PTPRE: variants seen among roughly 807,000 people sequenced by gnomAD.
PTPRE encodes receptor-type tyrosine-protein phosphatase epsilon.
In PTPRE, 51 loss-of-function variants were observed where a neutral mutation model predicts 102.0. That is an observed-to-expected ratio of 0.50 (90% CI 0.40 to 0.63). PTPRE has a LOEUF of 0.63. Among genes scored for constraint, PTPRE ranks in the 30% least tolerant of loss-of-function variants. The pLI is 0.00. For synonymous variants in PTPRE, 345 were observed against 348.2 expected, an observed-to-expected ratio of 0.99 and a Z score of 0.10; for missense variants, 752 against 915.1, an observed-to-expected ratio of 0.82 and a Z score of 2.30.
chr10:128,000,038 T>C, intron 2 of PTPRE: 1 of 928,544 alleles, frequency 1.1e-6, no homozygotes, highest in Non-Finnish European at 1.3e-6. Context: ...GTTTAGATTG[T>C]GAGGAAAAAA....
At position 128,056,159 on chromosome 10, in the gene PTPRE, C is replaced by T; in HGVS notation, c.457C>T (p.Leu153=). The T allele has an allele frequency of 6.2e-7, 1 of 1,612,956 alleles. No individual in the cohort carries two copies. Among genetic ancestry groups the T allele is most frequent in the Non-Finnish European group, 8.5e-7 (1 of 1,179,038 alleles). Residue 153 remains leucine, a synonymous_variant, in exon 7 of 21, where the codon CTG becomes TTG. Transcript: ENST00000254667. ...PSGHIQGTFE[L]ANKEENREKN... ...TGGACACATACAAGGAACTTTTGAA[C>T]TGGCAAATAAAGAAGAAAACAGAGA...
In PTPRE at chr10:128,023,985, G is replaced by A. The variant is rs560479006; in HGVS notation, c.-7-16890G>A. Reference sequence around the variant, plus strand: ...GTATCTTGGTATTGGTGGTATTAGTGGTATATATTATTTGAAATGACAATC... The same window carrying A: ...GTATCTTGGTATTGGTGGTATTAGTAGTATATATTATTTGAAATGACAATC... On this transcript the variant is annotated intron_variant, in intron 2 of 20. Transcript: ENST00000254667. Among the ~76,000 whole-genome samples the A allele has an allele frequency of 1.5e-3, 223 of 152,222 alleles. 2 individuals carry two copies. The highest frequency in any genetic ancestry group is 4.4e-3 in the South Asian group (21 of 4,820).
intron 1 of PTPRE, among the ~76,000 whole-genome samples, chr10:127,976,840 A>G (rs1024981817): frequency 6.6e-6 from 1 of 152,204 alleles, no homozygotes; most frequent in African/African-American, 2.4e-5. Context: ...TGTGAGTATG[A>G]TATCAGTGCG....
At chr10:127,950,546 C>T (rs961382275) in intron 1 of PTPRE, among the ~76,000 whole-genome samples, 4 of 152,142 alleles carry the variant, frequency 2.6e-5, no homozygotes, top group African/African-American at 9.7e-5. Context: ...GGGGGGAGTG[C>T]CAGCATCCCT....
At chr10:128,017,375 G>A (rs1590022592) in intron 2 of PTPRE, among the ~76,000 whole-genome samples, 2 of 152,176 alleles carry the variant, frequency 1.3e-5, no homozygotes, top group East Asian at 1.9e-4. Flanking sequence ...GAGGGCTGCT[G>A]CCCGAGCTGG....
chr10:127,945,179 G>A (rs1241621741), intron 1 of PTPRE, among the ~76,000 whole-genome samples: 3 of 152,206 alleles, frequency 2.0e-5, no homozygotes, highest in South Asian at 4.1e-4. Context: ...GGTTTTCGAA[G>A]TTATTGGACT....
chr10:127,995,448 G>C (rs1170046726), intron 2 of PTPRE, among the ~76,000 whole-genome samples: 1 of 152,122 alleles, frequency 6.6e-6, no homozygotes, highest in East Asian at 1.9e-4. Flanking sequence ...AGAAGCCAAG[G>C]CAAGCTAGGA....
intron 1 of PTPRE, among the ~76,000 whole-genome samples, chr10:127,921,478 G>T (rs1297416641): frequency 2.6e-5 from 4 of 152,232 alleles, no homozygotes; most frequent in African/African-American, 9.6e-5. Flanking sequence ...CAGATGGAAG[G>T]CCGGGGTAGA....
intron 1 of PTPRE, among the ~76,000 whole-genome samples, chr10:127,975,804 C>G (rs774938619): frequency 5.9e-5 from 9 of 152,150 alleles, no homozygotes; most frequent in Non-Finnish European, 8.8e-5. Flanking sequence ...AGGAGCGAGG[C>G]AGGTAGAGGG....
intron 2 of PTPRE, among the ~76,000 whole-genome samples, chr10:128,024,024 A>G (rs1483413070): frequency 6.6e-6 from 1 of 152,242 alleles, no homozygotes; most frequent in Non-Finnish European, 1.5e-5. Flanking sequence ...TACTACAAGG[A>G]TGGGAAAAAT....
intron 1 of PTPRE, among the ~76,000 whole-genome samples, chr10:127,979,005 A>G (rs1851403719): frequency 6.6e-6 from 1 of 152,202 alleles, no homozygotes; most frequent in African/African-American, 2.4e-5. Context: ...TGGGTTACAG[A>G]GCGAGACTCC....
At chr10:127,910,288 T>A (rs1845779020) in intron 1 of PTPRE, among the ~76,000 whole-genome samples, 1 of 152,214 alleles carries the variant, frequency 6.6e-6, no homozygotes, top group Non-Finnish European at 1.5e-5. Context: ...CTCCCTGCTC[T>A]CAGCCTCCTT....
chr10:128,006,942 A>G (rs991605344), intron 2 of PTPRE, among the ~76,000 whole-genome samples: 1 of 152,236 alleles, frequency 6.6e-6, no homozygotes, highest in African/African-American at 2.4e-5. Context: ...ATACAGCTCA[A>G]GTACAACTCC....
chr10:128,021,420 G>A (rs1025098185), intron 2 of PTPRE, among the ~76,000 whole-genome samples: 7 of 152,158 alleles, frequency 4.6e-5, no homozygotes, highest in Admixed American at 2.0e-4. Context: ...AGGGATATTC[G>A]CTGAAATGAG....
In PTPRE at chr10:128,063,087, C is replaced by G. The variant is rs1849754210; in HGVS notation, c.630C>G (p.Pro210=). The G allele has an allele frequency of 1.2e-6, 2 of 1,614,062 alleles. No homozygotes were observed. The highest frequency in any genetic ancestry group is 4.5e-5 in the East Asian group (2 of 44,890). Residue 210 remains proline, a synonymous_variant, in exon 10 of 21, where the codon CCC becomes CCG. Transcript: ENST00000254667. ...GAAATTGTCCTCTACACACAGGTCCCAAACAGGAAACGGTTAACGACTTCT... is the reference window on the plus strand; with the variant it reads ...GAAATTGTCCTCTACACACAGGTCCGAAACAGGAAACGGTTAACGACTTCT... ...EKNKFIAAQG[P]KQETVNDFWR...
intron 1 of PTPRE, among the ~76,000 whole-genome samples, chr10:127,958,329 G>T (rs894309834): frequency 1.3e-5 from 2 of 152,132 alleles, no homozygotes; most frequent in African/African-American, 4.8e-5. Context: ...TTAGCTGTAG[G>T]TTTTTCATAG....
rs774791191 is a variant in PTPRE at position 128,070,084 on chromosome 10, G to T, written c.1144-217G>T. The T allele has an allele frequency of 1.5e-6, 1 of 689,010 alleles. No individual in the cohort carries two copies. The allele number at this position is 689,010 out of a possible 1,614,324, so 42.7% of individuals were successfully genotyped here. The stretch of plus-strand genomic sequence containing the variant: ...ACGGTGCATGTACACAGTGCGTGGC[G>T]TGCTCACCAATGTGAGGCTCTGCTG... On this transcript the variant is annotated intron_variant, in intron 13 of 20. Transcript: ENST00000254667. The surrounding 1 kb of genome is among the most constrained non-coding windows in gnomAD (Gnocchi z 4.8).
chr10:127,989,263 TA>T (rs1852399137), intron 2 of PTPRE, among the ~76,000 whole-genome samples: 1 of 152,228 alleles, frequency 6.6e-6, no homozygotes, highest in African/African-American at 2.4e-5. Flanking sequence ...TGAATTTTTT[TA>T]AATCTCATGT....
At chr10:127,955,321 C>T (rs988165526) in intron 1 of PTPRE, among the ~76,000 whole-genome samples, 1 of 148,152 alleles carries the variant, frequency 6.7e-6, no homozygotes, top group African/African-American at 2.6e-5. Flanking sequence ...TACATACATA[C>T]ATATATACAT....
Sources: allele counts gnomAD v4.1 joint callset (sites outside exome capture counted in the v4.1 genomes callset), GRCh38; gene constraint gnomAD v4.1.1; non-coding constraint Gnocchi (gnomAD v3.1); transcripts MANE v1.5; gene names NCBI Gene and HGNC (gene_info 2026-07-23, HGNC 2026-07-21).